The following MAGI2 variants were observed in gnomAD, a reference collection of about 807,000 sequenced individuals.
The protein encoded by MAGI2 is membrane-associated guanylate kinase, WW and PDZ domain-containing protein 2.
In MAGI2, 35 loss-of-function variants were observed where a neutral mutation model predicts 133.3. The observed-to-expected ratio is 0.26, with a 90% CI of 0.20 to 0.35. MAGI2 has a LOEUF of 0.35. Ranked by LOEUF, MAGI2 falls within the 10% of genes least tolerant of loss-of-function variation. The pLI is 1.00. For missense variants in MAGI2, 1,636 were observed against 1,863.4 expected (o/e 0.88, Z 2.25); for synonymous variants, 729 against 710.6 (o/e 1.03, Z -0.41).
chr7:78,879,399 C>T (rs973603742), intron 2 of MAGI2, among the ~76,000 whole-genome samples: 1 of 152,134 alleles, frequency 6.6e-6, no homozygotes, highest in African/African-American at 2.4e-5. Context: ...CCCATCAGTG[C>T]AATCTACTGG....
At chr7:78,085,549 C>CA (rs1554441586) in intron 20 of MAGI2, among the ~76,000 whole-genome samples, 25,586 of 117,894 alleles carry the variant, frequency 0.22, 2,291 homozygotes, top group South Asian at 0.27. Flanking sequence ...TAATAAAACT[C>CA]CCACACACAC....
chr7:78,030,569 G>A (rs957100684), intron 21 of MAGI2, among the ~76,000 whole-genome samples: 4 of 152,074 alleles, frequency 2.6e-5, no homozygotes, highest in African/African-American at 7.2e-5. Flanking sequence ...TCCAATTATC[G>A]AATGGACAGT....
At chr7:78,598,702 A>G (rs1365424551) in intron 3 of MAGI2, among the ~76,000 whole-genome samples, 3 of 152,202 alleles carry the variant, frequency 2.0e-5, no homozygotes, top group African/African-American at 7.2e-5. Context: ...TGCCTGTACT[A>G]GGTAAGCTAC....
intron 3 of MAGI2, among the ~76,000 whole-genome samples, chr7:78,565,904 A>C (rs1034988315): frequency 3.3e-5 from 5 of 152,178 alleles, no homozygotes; most frequent in African/African-American, 1.2e-4. Flanking sequence ...GGGCTGCCAC[A>C]CATTAGTTCT....
At chr7:78,402,666 T>A (rs1202900805) in intron 6 of MAGI2, among the ~76,000 whole-genome samples, 1 of 152,222 alleles carries the variant, frequency 6.6e-6, no homozygotes, top group Non-Finnish European at 1.5e-5. Context: ...CAGATAAATC[T>A]AAAAACACAG....
In MAGI2 at chr7:78,602,176, C is replaced by T. The variant is rs534311141; in HGVS notation, c.538+24944G>A. Among the ~76,000 whole-genome samples the T allele has an allele frequency of 7.4e-5, 11 of 148,424 alleles. 1 individual carries two copies. In the South Asian group the frequency reaches 2.3e-3, roughly 31 times the overall value. Reference sequence around the variant, plus strand: ...GTACTTTTTTTTTGAGACGGAGTTTCATTCTTGTTGCACAGGCTTGTTGTT... The same window carrying T: ...GTACTTTTTTTTTGAGACGGAGTTTTATTCTTGTTGCACAGGCTTGTTGTT... On this transcript the variant is annotated intron_variant, in intron 3 of 21. Transcript: ENST00000354212.
intron 9 of MAGI2, among the ~76,000 whole-genome samples, chr7:78,272,961 G>C (rs1047665325): frequency 6.6e-6 from 1 of 152,144 alleles, no homozygotes; most frequent in East Asian, 1.9e-4. Context: ...ATATTGTTAT[G>C]TATGAATTTG....
intron 9 of MAGI2, among the ~76,000 whole-genome samples, chr7:78,309,239 T>G (rs12705395): frequency 0.18 from 27,758 of 152,266 alleles, 3,378 homozygotes; most frequent in Middle Eastern, 0.29. Flanking sequence ...CATGCATTTG[T>G]ATGTTCACTG....
chr7:79,134,068 A>G (rs571202812), intron 1 of MAGI2, among the ~76,000 whole-genome samples: 66 of 152,324 alleles, frequency 4.3e-4, no homozygotes, highest in South Asian at 2.3e-3. Flanking sequence ...ACTGTAGGAT[A>G]TTAATAATGT....
At position 78,156,231 on chromosome 7, in the gene MAGI2, A is replaced by G. The variant is rs3779290; in HGVS notation, c.2845+3794T>C. On this transcript the variant is annotated intron_variant, in intron 16 of 21. Coordinates refer to ENST00000354212, the MANE Select transcript of MAGI2 (RefSeq NM_012301.4). ...GGCCACCAGTACTCCAGTTGCCCCC[A>G]TTGCTGACCTAGGCTGTAATTTGGT... Among the ~76,000 whole-genome samples, 4 of 152,176 alleles carry G rather than the reference A, an allele frequency of 2.6e-5. No homozygotes were observed. The East Asian group carries it at 7.7e-4, about 29-fold the overall frequency.
intron 6 of MAGI2, among the ~76,000 whole-genome samples, chr7:78,470,392 C>G (rs1222655065): frequency 1.3e-5 from 2 of 152,058 alleles, no homozygotes; most frequent in Non-Finnish European, 2.9e-5. Flanking sequence ...GTGATAATGA[C>G]AAATTGGTTG....
In MAGI2 at chr7:78,255,991, T is replaced by C; in HGVS notation, c.1999A>G (p.Lys667Glu). 1 of 1,613,836 alleles carries C rather than the reference T, an allele frequency of 6.2e-7. No homozygotes were observed. The highest frequency in any genetic ancestry group is 8.5e-7 in the Non-Finnish European group (1 of 1,179,912). The change falls in exon 10 of 22, where the codon AAG becomes GAG. Residue 667 changes from lysine (K) to glutamate (E), a missense_variant. Coordinates refer to ENST00000354212, the MANE Select transcript of MAGI2 (RefSeq NM_012301.4). ...LSHTEVVDIL[K>E]DCPIGSETSL... ...GTTTCACTTCCAATGGGACAGTCCTTAAGTATATCCACTACTTCTGTATGG... is the reference window on the plus strand; with the variant it reads ...GTTTCACTTCCAATGGGACAGTCCTCAAGTATATCCACTACTTCTGTATGG...
intron 3 of MAGI2, among the ~76,000 whole-genome samples, chr7:78,565,464 T>C (rs1346959391): frequency 1.4e-5 from 2 of 148,006 alleles, no homozygotes; most frequent in East Asian, 2.0e-4. Flanking sequence ...AGACCCCATC[T>C]CTAAAACGCT....
chr7:78,872,503 T>C (rs1364432875), intron 2 of MAGI2, among the ~76,000 whole-genome samples: 1 of 152,116 alleles, frequency 6.6e-6, no homozygotes, highest in African/African-American at 2.4e-5. Context: ...CATTCTTCCT[T>C]TTTATGATAA....
intron 1 of MAGI2, among the ~76,000 whole-genome samples, chr7:79,326,640 G>A (rs1397325292): frequency 6.9e-6 from 1 of 145,572 alleles, no homozygotes; most frequent in Non-Finnish European, 1.5e-5. Flanking sequence ...AGAGCAAATT[G>A]AGTTCAGTGT....
chr7:78,682,371 CT>C (rs1815771923), intron 2 of MAGI2, among the ~76,000 whole-genome samples: 1 of 152,086 alleles, frequency 6.6e-6, no homozygotes, highest in African/African-American at 2.4e-5. Context: ...TATCACTCCC[CT>C]TGCCCCCCAC....
At chr7:78,397,036 A>G (rs1796409065) in intron 6 of MAGI2, among the ~76,000 whole-genome samples, 1 of 152,102 alleles carries the variant, frequency 6.6e-6, no homozygotes, top group East Asian at 1.9e-4. Context: ...ATAACTCTAT[A>G]AAATGGATAT....
intron 2 of MAGI2, among the ~76,000 whole-genome samples, chr7:78,749,959 G>A (rs537823179): frequency 6.6e-6 from 1 of 152,136 alleles, no homozygotes. Flanking sequence ...AGGTATACAC[G>A]TGCCATGGTG....
intron 1 of MAGI2, among the ~76,000 whole-genome samples, chr7:79,316,923 G>A (rs1428758215): frequency 6.6e-6 from 1 of 150,722 alleles, no homozygotes; most frequent in East Asian, 2.0e-4. Context: ...TTTAGTAGCA[G>A]AGCTGGATCC....
Sources: allele counts gnomAD v4.1 joint callset (sites outside exome capture counted in the v4.1 genomes callset), GRCh38; gene constraint gnomAD v4.1.1; transcripts MANE v1.5; gene names NCBI Gene and HGNC (gene_info 2026-07-23, HGNC 2026-07-21).